The following IMMP2L variants were observed in gnomAD, a reference collection of about 807,000 sequenced individuals.
IMMP2L encodes the protein mitochondrial inner membrane protease subunit 2.
A neutral mutation model predicts 19.3 loss-of-function variants in IMMP2L; 18 were observed. The ratio of observed to expected loss-of-function variants is 0.93; its 90% CI spans 0.64 to 1.38. The LOEUF (loss-of-function observed/expected upper bound fraction) is 1.38, where lower values mean the gene tolerates loss of function less well. Ranked by LOEUF, IMMP2L falls within the 40% of genes most tolerant of loss-of-function variation. The pLI is 0.00. For synonymous variants in IMMP2L, 76 were observed against 73.0 expected, an observed-to-expected ratio of 1.04 and a Z score of -0.21; for missense variants, 233 against 218.2, an observed-to-expected ratio of 1.07 and a Z score of -0.43.
rs988442355 is a variant in IMMP2L at position 110,811,533 on chromosome 7, CT to C, written c.408+75059del. On this transcript the variant is annotated intron_variant, in intron 5 of 5. Transcript: ENST00000405709. ...AAGTGTACAAACAACTTTCCCTTTT[CT>C]TTTTTTATTTTTATCCAGACAATTT... 7.9e-5 allele frequency among the ~76,000 whole-genome samples: 12 copies of C among 152,038 alleles called. No individual in the cohort carries two copies. In the South Asian group the frequency reaches 2.1e-3, roughly 26 times the overall value.
At chr7:110,882,923 C>G (rs959024406) in intron 5 of IMMP2L, among the ~76,000 whole-genome samples, 2 of 151,980 alleles carry the variant, frequency 1.3e-5, no homozygotes, top group Non-Finnish European at 2.9e-5. Context: ...TTTCTCCTGA[C>G]GCATCCCACC....
intron 5 of IMMP2L, among the ~76,000 whole-genome samples, chr7:110,697,619 A>G (rs1793983037): frequency 6.6e-6 from 1 of 152,116 alleles, no homozygotes; most frequent in Admixed American, 6.6e-5. Flanking sequence ...CCTGCACAAC[A>G]TAGTGAGATC....
chr7:111,100,686 G>C (rs1225285554), intron 3 of IMMP2L, among the ~76,000 whole-genome samples: 1 of 151,070 alleles, frequency 6.6e-6, no homozygotes, highest in Non-Finnish European at 1.5e-5. Flanking sequence ...TTAGGCTCTG[G>C]CTGAACTGGA....
intron 1 of IMMP2L, among the ~76,000 whole-genome samples, chr7:111,537,375 A>T (rs1228586400): frequency 6.6e-6 from 1 of 152,102 alleles, no homozygotes; most frequent in African/African-American, 2.4e-5. Context: ...AGTGAGCCAA[A>T]GTGAGCATTC....
At chr7:111,187,571 A>G (rs530908660) in intron 3 of IMMP2L, among the ~76,000 whole-genome samples, 24 of 152,152 alleles carry the variant, frequency 1.6e-4, no homozygotes, top group Non-Finnish European at 3.5e-4. Context: ...ACAGAATACT[A>G]TGCTTAGCAC....
intron 4 of IMMP2L, among the ~76,000 whole-genome samples, chr7:110,901,038 G>T (rs1479882979): frequency 4.0e-5 from 6 of 151,694 alleles, no homozygotes; most frequent in Non-Finnish European, 5.9e-5. Context: ...TCTTTCTTCA[G>T]ACTTATTTTC....
intron 4 of IMMP2L, among the ~76,000 whole-genome samples, chr7:110,956,682 G>A (rs1818388444): frequency 6.6e-6 from 1 of 151,880 alleles, no homozygotes; most frequent in South Asian, 2.1e-4. Context: ...ACTAAAAAGA[G>A]TCCATTCCCT....
intron 3 of IMMP2L, among the ~76,000 whole-genome samples, chr7:110,966,994 T>A (rs1819607129): frequency 6.6e-6 from 1 of 152,080 alleles, no homozygotes; most frequent in Admixed American, 6.6e-5. Flanking sequence ...AATTTGTAAG[T>A]TTAGTGTTTT....
intron 3 of IMMP2L, among the ~76,000 whole-genome samples, chr7:111,365,224 A>G (rs1369836559): frequency 1.3e-5 from 2 of 152,108 alleles, no homozygotes; most frequent in Non-Finnish European, 2.9e-5. Context: ...CCTGTACTTC[A>G]CGAAAGATGT....
chr7:110,662,970 G>T lies in IMMP2L; in HGVS notation c.*632C>A, dbSNP rs536377770. The stretch of plus-strand genomic sequence containing the variant: ...GACAGAATGGGTTCTCCATTACTTT[G>T]ATTCCTTATTTTCAGAAGAGATAAG... On this transcript the variant is annotated 3_prime_UTR_variant, in exon 6 of 6. Coordinates refer to ENST00000405709, the MANE Select transcript of IMMP2L (RefSeq NM_032549.4). 3 of 152,512 alleles carry T rather than the reference G, an allele frequency of 2.0e-5. No homozygotes were observed. Among genetic ancestry groups the T allele is most frequent in the South Asian group, 2.1e-4 (1 of 4,834 alleles). The allele number at this position is 152,512 out of a possible 1,614,324, so 9.4% of individuals were successfully genotyped here. A position where few individuals can be genotyped will look rare whatever the true frequency, so the allele number is the denominator to read the frequency against.
intron 2 of IMMP2L, among the ~76,000 whole-genome samples, chr7:111,507,419 C>T (rs1446570423): frequency 6.6e-6 from 1 of 152,082 alleles, no homozygotes; most frequent in East Asian, 1.9e-4. Context: ...TTAGGTATAT[C>T]TTCTATTTTT....
At chr7:111,231,235 C>T (rs1378471949) in intron 3 of IMMP2L, among the ~76,000 whole-genome samples, 1 of 151,960 alleles carries the variant, frequency 6.6e-6, no homozygotes, top group Non-Finnish European at 1.5e-5. Flanking sequence ...TGATATTTTA[C>T]ACCATCATCT....
chr7:111,556,014 G>GTGTGTGTATA, intron 1 of IMMP2L, among the ~76,000 whole-genome samples: 3 of 114,570 alleles, frequency 2.6e-5, no homozygotes, highest in Non-Finnish European at 3.5e-5. Flanking sequence ...TCTTCTGTGT[G>GTGTGTGTATA]CATGTATATA....
At chr7:111,553,311 A>G (rs1790891965) in intron 1 of IMMP2L, among the ~76,000 whole-genome samples, 1 of 152,144 alleles carries the variant, frequency 6.6e-6, no homozygotes, top group Non-Finnish European at 1.5e-5. Flanking sequence ...AACTAAAATA[A>G]GGTATAATAC....
At chr7:110,778,361 T>C (rs1426384318) in intron 5 of IMMP2L, among the ~76,000 whole-genome samples, 1 of 151,934 alleles carries the variant, frequency 6.6e-6, no homozygotes, top group South Asian at 2.1e-4. Flanking sequence ...TTAAGGAACA[T>C]GTATTTAGCA....
chr7:110,688,760 A>G (rs1051975389), intron 5 of IMMP2L, among the ~76,000 whole-genome samples: 2 of 152,114 alleles, frequency 1.3e-5, no homozygotes, highest in African/African-American at 4.8e-5. Flanking sequence ...TAAGGAGCCA[A>G]TTACAAAACT....
intron 5 of IMMP2L, among the ~76,000 whole-genome samples, chr7:110,735,158 G>A (rs1433398117): frequency 6.6e-6 from 1 of 152,104 alleles, no homozygotes. Context: ...GCGCAGTAAG[G>A]GGAACAAAGC....
intron 3 of IMMP2L, among the ~76,000 whole-genome samples, chr7:111,170,230 T>C (rs1440740812): frequency 6.6e-6 from 1 of 151,786 alleles, no homozygotes. Context: ...GTTAGTATTA[T>C]TTTTTCTCCC....
intron 3 of IMMP2L, among the ~76,000 whole-genome samples, chr7:111,472,588 T>C (rs1841364524): frequency 6.6e-6 from 1 of 152,140 alleles, no homozygotes; most frequent in African/African-American, 2.4e-5. Context: ...CTGTAATTTC[T>C]TCAATATACT....
Sources: gnomAD v4.1 joint callset for allele counts (sites outside exome capture counted in the v4.1 genomes callset) on GRCh38, gnomAD v4.1.1 for gene constraint, MANE v1.5 for transcripts, NCBI Gene and HGNC (gene_info 2026-07-23, HGNC 2026-07-21) for gene names.